Variants in PRR36 observed in about 807,000 individuals in gnomAD.
PRR36 encodes the protein proline rich 36, also known as proline-rich protein 36.
In PRR36, 30 loss-of-function variants were observed where a neutral mutation model predicts 58.6. That is an observed-to-expected ratio of 0.51 (90% CI 0.38 to 0.69). The LOEUF is 0.69. Among genes scored for constraint, PRR36 ranks in the 30% least tolerant of loss-of-function variants. The probability of loss-of-function intolerance (pLI) is 0.00; values close to 1 mark genes in which losing one functional copy is unlikely to be tolerated. For synonymous variants in PRR36, 771 were observed against 829.3 expected (o/e 0.93, Z 1.21); for missense variants, 1,692 against 1,805.6 (o/e 0.94, Z 1.14).
chr19:7,869,692 G>T (rs1980283658), intron 5 of PRR36, 23 bp downstream of exon 5: 24 of 1,375,462 alleles, frequency 1.7e-5, no homozygotes, highest in Non-Finnish European at 2.2e-5. Context: ...CCACAGCCAG[G>T]CCGGGTCTGG....
rs1314300527 is a variant in PRR36, at chr19:7,870,750, G to T, written c.2494C>A (p.Pro832Thr). The change falls in exon 5 of 6, where the codon CCT (proline) becomes ACT (threonine). Residue 832 changes from proline (P) to threonine (T), a missense_variant. Transcript: ENST00000618550. ...GGGGGCGTGGCCAAAGGAGACAGAG[G>T]GGGAGAGGGCAGGCCCTGCAAAGGG... is the stretch of plus-strand genomic sequence containing the variant. ...SPPLQGLPSP[P>T]LSPLATPPPQ... The T allele has an allele frequency of 2.1e-6, 3 of 1,400,494 alleles. No homozygotes were observed. The highest frequency in any genetic ancestry group is 2.8e-6 in the Non-Finnish European group (3 of 1,078,588). 86.8% of individuals were successfully genotyped at this position (1,400,494 alleles called of 1,614,324 possible).
chr19:7,869,821 C>T lies in PRR36; in HGVS notation c.3423G>A (p.Glu1141=). ...EELRGYDSGP[E]GGAAASPPPD... is the part of the protein sequence containing the mutation. ...GGGGCGGGGAGGCTGCGGCACCGCCCTCGGGCCCGCTGTCGTAGCCACGCA... is the reference window on the plus strand; with the variant it reads ...GGGGCGGGGAGGCTGCGGCACCGCCTTCGGGCCCGCTGTCGTAGCCACGCA... Residue 1141 remains glutamate (E), a synonymous_variant, in exon 5 of 6, where the codon GAG becomes GAA. Transcript: ENST00000618550. 1 of 1,351,664 alleles carries T rather than the reference C, an allele frequency of 7.4e-7. No homozygotes were observed. The highest frequency in any genetic ancestry group is 9.4e-7 in the Non-Finnish European group (1 of 1,058,808). The allele number at this position is 1,351,664 out of a possible 1,614,324, so 83.7% of individuals were successfully genotyped here. A position where few individuals can be genotyped will look rare whatever the true frequency, so the allele number is the denominator to read the frequency against.
In PRR36 at chr19:7,869,251, C is replaced by T; in HGVS notation, c.3823G>A (p.Gly1275Ser). Residue 1275 changes from glycine (G) to serine (S), a missense_variant, in exon 6 of 6, where the codon GGC (glycine) becomes AGC (serine). By Grantham distance (56) the Gly-to-Ser change is moderately conservative. Transcript: ENST00000618550. ...CCTCCTGGGCCCCCGCCGCTGCCGC[C>T]CGCGGCACCCTCGGCAGCCGCCAGC... ...LLLAAAEGAA[G>S]GSGGGPGGAE... 6.7e-7 allele frequency: 1 copy of T among 1,484,012 alleles called. No homozygotes were observed. Among genetic ancestry groups the T allele is most frequent in the Non-Finnish European group, 8.9e-7 (1 of 1,126,622 alleles). 91.9% of individuals were successfully genotyped at this position (1,484,012 alleles called of 1,614,324 possible).
rs1486970303 is a variant in PRR36 at position 7,874,095 on chromosome 19, G to C, written c.-8+191C>G. On this transcript the variant is annotated intron_variant, in intron 1 of 5. Transcript: ENST00000618550. This position sits in a 1 kb window ranked among gnomAD's most constrained non-coding sequence, Gnocchi z 6.0. ...CCCTCCAGACCCGGAGCGCACGCCC[G>C]GGTCTCCCCGCCAGCCCCCATCGGC... 6.6e-6 allele frequency among the ~76,000 whole-genome samples: 1 copy of C among 152,012 alleles called. No individual in the cohort carries two copies. Among genetic ancestry groups the C allele is most frequent in the Non-Finnish European group, 1.5e-5 (1 of 67,966 alleles).
At position 7,872,080 on chromosome 19, in the gene PRR36, A is replaced by G. The variant is rs1411230520; in HGVS notation, c.1164T>C (p.Ser388=). The part of the protein sequence containing the change: ...SAPPSLQTLP[S]PPATPPSQVP... ...CTTGCGAGGGGGGCGTGGCTGGTGG[A>G]GAGGGGAGGGTCTGCAGAGAAGGTG... The change falls in exon 5 of 6, where the codon TCT becomes TCC. Residue 388 remains serine, a synonymous_variant. Coordinates refer to ENST00000618550, the MANE Select transcript of PRR36 (RefSeq NM_001190467.2). This position sits in a 1 kb window ranked among gnomAD's most constrained non-coding sequence, Gnocchi z 6.1. 4 of 1,532,194 alleles carry G rather than the reference A, an allele frequency of 2.6e-6. No homozygotes were observed. The highest frequency in any genetic ancestry group is 3.5e-6 in the Non-Finnish European group (4 of 1,145,838). The allele number at this position is 1,532,194 out of a possible 1,614,324, so 94.9% of individuals were successfully genotyped here.
At position 7,870,506 on chromosome 19, in the gene PRR36, G is replaced by T; in HGVS notation, c.2738C>A (p.Pro913His). ...ASPPVSPSAT[P>H]PSQAPPSLAA... is the part of the protein sequence containing the mutation. Reference sequence around the variant, plus strand: ...TAGAGAGGGTGGGGCCTGTGAAGGGGGCGTGGCCGAAGGAGACACTGGGGG... The same window carrying T: ...TAGAGAGGGTGGGGCCTGTGAAGGGTGCGTGGCCGAAGGAGACACTGGGGG... The change falls in exon 5 of 6, where the codon CCC (proline) becomes CAC (histidine). Residue 913 changes from proline to histidine, a missense_variant. Pro to His is a moderately conservative substitution (Grantham distance 77, BLOSUM62 -2). Around this residue, in one of 5 missense-constraint regions of PRR36, gnomAD observed 171 missense variants for 146.2 expected, o/e 1.17. Transcript: ENST00000618550. 1.9e-6 allele frequency: 2 copies of T among 1,052,074 alleles called. No individual in the cohort carries two copies. Among genetic ancestry groups the T allele is most frequent in the Non-Finnish European group, 2.4e-6 (2 of 834,296 alleles). 65.2% of individuals were successfully genotyped at this position (1,052,074 alleles called of 1,614,324 possible). A position where few individuals can be genotyped will look rare whatever the true frequency, so the allele number is the denominator to read the frequency against.
At position 7,869,889 on chromosome 19, in the gene PRR36, G is replaced by C; in HGVS notation, c.3355C>G (p.Leu1119Val). ...GTGGCGCTGCTGCTGTGGCCGGCCAGGTCTGGGCCGCTCAGCGTGCTGGAC... is the reference window on the plus strand; with the variant it reads ...GTGGCGCTGCTGCTGTGGCCGGCCACGTCTGGGCCGCTCAGCGTGCTGGAC... The part of the protein sequence containing the change: ...SPSSTLSGPD[L>V]AGHSSSATST... The change falls in exon 5 of 6, where the codon CTG (leucine) becomes GTG (valine). Residue 1119 changes from leucine (L) to valine (V), a missense_variant. By Grantham distance (32) the Leu-to-Val change is conservative (BLOSUM62 1). Transcript: ENST00000618550. 1 of 1,362,964 alleles carries C rather than the reference G, an allele frequency of 7.3e-7. No homozygotes were observed. The highest frequency in any genetic ancestry group is 9.4e-7 in the Non-Finnish European group (1 of 1,065,326). 84.4% of individuals were successfully genotyped at this position (1,362,964 alleles called of 1,614,324 possible). A position where few individuals can be genotyped will look rare whatever the true frequency, so the allele number is the denominator to read the frequency against.
Position 7,870,784 on chromosome 19 carries a change from C to T in PRR36, c.2460G>A (p.Leu820=), listed in dbSNP as rs1980389080. Residue 820 remains leucine (L), a synonymous_variant, in exon 5 of 6, where the codon CTG becomes CTA. Coordinates refer to ENST00000618550, the MANE Select transcript of PRR36 (RefSeq NM_001190467.2). ...GCAGGCCCTGCAAAGGGGGTGAGGC[C>T]AGAGCAGGTGGGGCCTGTGGAGGAG... ...ATPPPQAPPA[L]ASPPLQGLPS... is the part of the protein sequence containing the mutation. The T allele has an allele frequency of 7.1e-7, 1 of 1,408,028 alleles. No individual in the cohort carries two copies. Among genetic ancestry groups the T allele is most frequent in the African/African-American group, 1.6e-5 (1 of 64,220 alleles). 87.2% of individuals were successfully genotyped at this position (1,408,028 alleles called of 1,614,324 possible). A position where few individuals can be genotyped will look rare whatever the true frequency, so the allele number is the denominator to read the frequency against.
In PRR36 at chr19:7,873,041, G is replaced by C; in HGVS notation, c.375-80C>G. 7.3e-7 allele frequency: 1 copy of C among 1,372,594 alleles called. No homozygotes were observed. The highest frequency in any genetic ancestry group is 1.0e-6 in the Non-Finnish European group (1 of 1,003,828). The allele number at this position is 1,372,594 out of a possible 1,614,324, so 85.0% of individuals were successfully genotyped here. On this transcript the variant is annotated intron_variant, in intron 3 of 5. Transcript: ENST00000618550. This position sits in a 1 kb window ranked among gnomAD's most constrained non-coding sequence, Gnocchi z 5.0. ...CTCTATTTTCCCATCTGTGAAATGG[G>C]CATGTGCCCTCTCTGAGGACCAATA...
At position 7,872,171 on chromosome 19, in the gene PRR36, T is replaced by TG; in HGVS notation, c.1072dup (p.His358ProfsTer83). On this transcript the variant is annotated frameshift_variant, in exon 5 of 6. Coordinates refer to ENST00000618550, the MANE Select transcript of PRR36 (RefSeq NM_001190467.2). LOFTEE classifies it high-confidence loss of function. This position sits in a 1 kb window ranked among gnomAD's most constrained non-coding sequence, Gnocchi z 6.1. ...CAACTGACAGGTAAGGCTCGACGAG[T>TG]GGGGCGTGGCCGGCAGGGTGGGCGG... 1 of 1,381,918 alleles carries TG rather than the reference T, an allele frequency of 7.2e-7. No homozygotes were observed. The highest frequency in any genetic ancestry group is 9.4e-7 in the Non-Finnish European group (1 of 1,066,912). 85.6% of individuals were successfully genotyped at this position (1,381,918 alleles called of 1,614,324 possible). A position where few individuals can be genotyped will look rare whatever the true frequency, so the allele number is the denominator to read the frequency against.
Position 7,869,750 on chromosome 19 carries a change from C to T in PRR36, c.3494G>A (p.Gly1165Asp). Residue 1165 changes from glycine to aspartate, a missense_variant, in exon 5 of 6, where the codon GGC becomes GAC. Transcript: ENST00000618550. ...GCGGAAAGCCAGCGGCGGAGCGGGG[C>T]CTCGACTCCAGGCAGCCGGGTGGCA... Reference protein sequence around the residue: ...AACHPAAWSRGPAPPLAFRGA... With the variant: ...AACHPAAWSRDPAPPLAFRGA... 1 of 1,360,242 alleles carries T rather than the reference C, an allele frequency of 7.4e-7. No individual in the cohort carries two copies. The highest frequency in any genetic ancestry group is 3.8e-5 in the Admixed American group (1 of 26,090). 84.3% of individuals were successfully genotyped at this position (1,360,242 alleles called of 1,614,324 possible).
chr19:7,873,034 G>C lies in PRR36; in HGVS notation c.375-73C>G. On this transcript the variant is annotated intron_variant, in intron 3 of 5. Coordinates refer to ENST00000618550, the MANE Select transcript of PRR36 (RefSeq NM_001190467.2). This position sits in a 1 kb window ranked among gnomAD's most constrained non-coding sequence, Gnocchi z 5.0. Reference sequence around the variant, plus strand: ...CCCAAGTCTCTATTTTCCCATCTGTGAAATGGGCATGTGCCCTCTCTGAGG... The same window carrying C: ...CCCAAGTCTCTATTTTCCCATCTGTCAAATGGGCATGTGCCCTCTCTGAGG... 1 of 1,397,240 alleles carries C rather than the reference G, an allele frequency of 7.2e-7. No homozygotes were observed. The highest frequency in any genetic ancestry group is 1.3e-5 in the South Asian group (1 of 79,872). 86.6% of individuals were successfully genotyped at this position (1,397,240 alleles called of 1,614,324 possible). A position where few individuals can be genotyped will look rare whatever the true frequency, so the allele number is the denominator to read the frequency against.
chr19:7,869,379 G>C lies in PRR36; in HGVS notation c.3695C>G (p.Ala1232Gly). ...SGGKAAAGAG[A>G]GASSRSPKQA... ...CTTCGGGCTCCGCGAGGACGCCCCG[G>C]CCCCGGCCCCAGCCGCCGCCTTCCC... is the stretch of plus-strand genomic sequence containing the variant. The change falls in exon 6 of 6, where the codon GCC becomes GGC. Residue 1232 changes from alanine (A) to glycine (G), a missense_variant. Coordinates refer to ENST00000618550, the MANE Select transcript of PRR36 (RefSeq NM_001190467.2). 6.8e-7 allele frequency: 1 copy of C among 1,462,458 alleles called. No homozygotes were observed. Among genetic ancestry groups the C allele is most frequent in the Non-Finnish European group, 9.0e-7 (1 of 1,116,610 alleles). 90.6% of individuals were successfully genotyped at this position (1,462,458 alleles called of 1,614,324 possible).
Position 7,868,751 on chromosome 19 carries a change from C to T in PRR36, c.*282G>A, listed in dbSNP as rs1980217050. On this transcript the variant is annotated 3_prime_UTR_variant, in exon 6 of 6. Transcript: ENST00000618550. Reference sequence around the variant, plus strand: ...CCCAGTGTCCCAGTTTTATTGCAAACTCAGGCTGTGCGGGGTGGGCAATAC... The same window carrying T: ...CCCAGTGTCCCAGTTTTATTGCAAATTCAGGCTGTGCGGGGTGGGCAATAC... The T allele has an allele frequency of 2.7e-6, 1 of 366,380 alleles. No individual in the cohort carries two copies. Among genetic ancestry groups the T allele is most frequent in the East Asian group, 4.2e-5 (1 of 23,730 alleles). The allele number at this position is 366,380 out of a possible 1,614,324, so 22.7% of individuals were successfully genotyped here. A position where few individuals can be genotyped will look rare whatever the true frequency, so the allele number is the denominator to read the frequency against.
rs1022255511 is a variant in PRR36, at chr19:7,873,566, C to T, written c.124G>A (p.Ala42Thr). ...GCAGCTCCCAGAACTCGGAGGGCTG[C>T]GGGAGTTACTGGGGGAGGGGGTCGA... is the stretch of plus-strand genomic sequence containing the variant. Reference protein sequence around the residue: ...SPRPPPPVTPAALRVLGAAGA... With the variant: ...SPRPPPPVTPTALRVLGAAGA... The change falls in exon 2 of 6, where the codon GCA becomes ACA. Residue 42 changes from alanine (A) to threonine (T), a missense_variant. Coordinates refer to ENST00000618550, the MANE Select transcript of PRR36 (RefSeq NM_001190467.2). This position sits in a 1 kb window ranked among gnomAD's most constrained non-coding sequence, Gnocchi z 5.0. 1.2e-5 allele frequency: 19 copies of T among 1,534,464 alleles called. No homozygotes were observed. Among genetic ancestry groups the T allele is most frequent in the African/African-American group, 8.3e-5 (6 of 72,724 alleles).
Position 7,869,145 on chromosome 19 carries a change from G to A in PRR36, c.3929C>T (p.Ser1310Phe). The A allele has an allele frequency of 6.5e-7, 1 of 1,535,442 alleles. No individual in the cohort carries two copies. The highest frequency in any genetic ancestry group is 8.7e-7 in the Non-Finnish European group (1 of 1,146,674). The change falls in exon 6 of 6, where the codon TCT (serine) becomes TTT (phenylalanine). Residue 1310 changes from serine to phenylalanine, a missense_variant. Physicochemically the swap from Ser to Phe is radical, Grantham distance 155. Transcript: ENST00000618550. ...AELGRWAELL[S>F]PLDESRASIT... ...GCTGGCACGGGACTCGTCCAGGGGA[G>A]ACAGTAGTTCGGCCCAGCGGCCGAG...
chr19:7,873,784 G>C lies in PRR36; in HGVS notation c.-7-88C>G, dbSNP rs1980583459. ...GACCCTGCTACCTCACTGCCCTTTC[G>C]CAGCATCGCCACCCATGGACACTCA... On this transcript the variant is annotated intron_variant, in intron 1 of 5. Coordinates refer to ENST00000618550, the MANE Select transcript of PRR36 (RefSeq NM_001190467.2). This position sits in a 1 kb window ranked among gnomAD's most constrained non-coding sequence, Gnocchi z 5.0. 2 of 1,307,904 alleles carry C rather than the reference G, an allele frequency of 1.5e-6. No individual in the cohort carries two copies. Among genetic ancestry groups the C allele is most frequent in the Non-Finnish European group, 1.0e-6 (1 of 972,720 alleles). 81.0% of individuals were successfully genotyped at this position (1,307,904 alleles called of 1,614,324 possible).
rs763388285 is a variant in PRR36, at chr19:7,873,288, G to C, written c.283C>G (p.Pro95Ala). Residue 95 changes from proline (P) to alanine (A), a missense_variant, in exon 3 of 6, where the codon CCA becomes GCA. By Grantham distance (27) the Pro-to-Ala change is conservative. This residue lies in a region of PRR36 where 975 missense variants were observed against 955.2 expected (regional missense o/e 1.02). Coordinates refer to ENST00000618550, the MANE Select transcript of PRR36 (RefSeq NM_001190467.2). This position sits in a 1 kb window ranked among gnomAD's most constrained non-coding sequence, Gnocchi z 5.0. ...TSSRNPASRP[P>A]ASGRGERAPP... is the part of the protein sequence containing the mutation. The stretch of plus-strand genomic sequence containing the variant: ...GCTCTCTCCCCTCTCCCAGAGGCTG[G>C]GGGCCTGGAGGCTGCGGGGAGAAGG... The C allele has an allele frequency of 3.9e-6, 6 of 1,534,496 alleles. No individual in the cohort carries two copies. In the South Asian group the frequency reaches 7.2e-5, roughly 18 times the overall value.
Position 7,870,503 on chromosome 19 carries a change from G to T in PRR36, c.2741C>A (p.Pro914His). 1 of 1,125,014 alleles carries T rather than the reference G, an allele frequency of 8.9e-7. No homozygotes were observed. The highest frequency in any genetic ancestry group is 1.1e-6 in the Non-Finnish European group (1 of 889,058). The allele number at this position is 1,125,014 out of a possible 1,614,324, so 69.7% of individuals were successfully genotyped here. The change falls in exon 5 of 6, where the codon CCT (proline) becomes CAT (histidine). Residue 914 changes from proline (P) to histidine (H), a missense_variant. Physicochemically the swap from Pro to His is moderately conservative, Grantham distance 77. Transcript: ENST00000618550. Reference protein sequence around the residue: ...SPPVSPSATPPSQAPPSLAAP... With the variant: ...SPPVSPSATPHSQAPPSLAAP... ...GGCTAGAGAGGGTGGGGCCTGTGAA[G>T]GGGGCGTGGCCGAAGGAGACACTGG...
Sources: gnomAD v4.1 joint callset for allele counts (sites outside exome capture counted in the v4.1 genomes callset) on GRCh38, gnomAD v4.1.1 for gene constraint, gnomAD v4.1.1 regional missense constraint, Gnocchi (gnomAD v3.1) non-coding constraint, MANE v1.5 for transcripts, NCBI Gene and HGNC (gene_info 2026-07-23, HGNC 2026-07-21) for gene names.